ADAM12: variants seen among roughly 807,000 people sequenced by gnomAD.
ADAM12 encodes the protein disintegrin and metalloproteinase domain-containing protein 12.
ADAM12 carries 70 observed loss-of-function variants against 106.4 expected under a neutral mutation model. The ratio of observed to expected loss-of-function variants is 0.66; its 90% confidence interval spans 0.54 to 0.80. The LOEUF is 0.80. Among genes scored for constraint, ADAM12 ranks in the 30% least tolerant of loss-of-function variants. ADAM12 has a pLI of 0.00. For synonymous variants in ADAM12, 420 were observed against 433.5 expected, an observed-to-expected ratio of 0.97 and a Z score of 0.39; for missense variants, 1,010 against 1,171.9, an observed-to-expected ratio of 0.86 and a Z score of 2.02.
intron 3 of ADAM12, among the ~76,000 whole-genome samples, chr10:126,167,680 G>A (rs1050817113): frequency 4.6e-5 from 7 of 152,054 alleles, no homozygotes; most frequent in African/African-American, 7.3e-5. Flanking sequence ...CATACCACCC[G>A]CAAATAGTCT....
At chr10:126,086,697 ATATATAT>A (rs1565045833) in intron 11 of ADAM12, among the ~76,000 whole-genome samples, 5 of 95,156 alleles carry the variant, frequency 5.3e-5, no homozygotes, top group Admixed American at 1.3e-4. Flanking sequence ...ATATATATAT[ATATATAT>A]ATAAAATAAA....
intron 3 of ADAM12, among the ~76,000 whole-genome samples, chr10:126,198,152 G>A (rs1957632256): frequency 1.3e-5 from 2 of 152,196 alleles, no homozygotes; most frequent in South Asian, 2.1e-4. Flanking sequence ...TTGAGTCCAC[G>A]GCCCTCCCTG....
intron 2 of ADAM12, among the ~76,000 whole-genome samples, chr10:126,322,958 C>T (rs1341560093): frequency 1.3e-5 from 2 of 152,122 alleles, no homozygotes; most frequent in Non-Finnish European, 2.9e-5. Flanking sequence ...TCCTGTGTGG[C>T]AGACACAGCT....
intron 3 of ADAM12, among the ~76,000 whole-genome samples, chr10:126,247,219 A>G (rs1446396061): frequency 6.6e-6 from 1 of 152,232 alleles, no homozygotes; most frequent in Admixed American, 6.5e-5. Context: ...GGCCATTGCT[A>G]GAAAATTGAA....
At chr10:126,019,959 T>G in intron 21 of ADAM12, 134 bp from the exon 22 acceptor site, 1 of 1,107,874 alleles carries the variant, frequency 9.0e-7, no homozygotes, top group Admixed American at 3.0e-5. Context: ...GGGTGGAGGC[T>G]GACCTCTGTT....
chr10:126,220,646 C>T (rs1958073009), intron 3 of ADAM12, among the ~76,000 whole-genome samples: 1 of 152,244 alleles, frequency 6.6e-6, no homozygotes, highest in Non-Finnish European at 1.5e-5. Flanking sequence ...ATTTGCTAGA[C>T]ATCGCAATCC....
intron 5 of ADAM12, among the ~76,000 whole-genome samples, chr10:126,135,116 C>A (rs1956380948): frequency 6.6e-6 from 1 of 152,210 alleles, no homozygotes; most frequent in South Asian, 2.1e-4. Context: ...CCCTACCAAT[C>A]CATGCCTCTA....
chr10:126,267,463 G>A (rs989763428), intron 3 of ADAM12, among the ~76,000 whole-genome samples: 6 of 152,174 alleles, frequency 3.9e-5, no homozygotes, highest in Non-Finnish European at 8.8e-5. Flanking sequence ...TCTGCAACTA[G>A]ACGATCCCAT....
At chr10:126,084,715 C>G (rs760561899) in intron 11 of ADAM12, among the ~76,000 whole-genome samples, 5 of 152,208 alleles carry the variant, frequency 3.3e-5, no homozygotes, top group Non-Finnish European at 7.3e-5. Context: ...GAAGTTACCA[C>G]CAGGGCAATG....
chr10:126,081,587 G>A (rs1955218281), intron 11 of ADAM12, among the ~76,000 whole-genome samples: 1 of 152,170 alleles, frequency 6.6e-6, no homozygotes, highest in African/African-American at 2.4e-5. Context: ...TTCTTTACCT[G>A]GGCGTGTGGT....
chr10:126,291,969 G>T (rs527405049), intron 2 of ADAM12, among the ~76,000 whole-genome samples: 2 of 111,896 alleles, frequency 1.8e-5, no homozygotes, highest in South Asian at 3.0e-4. Context: ...AATGAAAATT[G>T]GGGTTCAGCT....
At chr10:126,110,716 A>G (rs1182350458) in intron 6 of ADAM12, among the ~76,000 whole-genome samples, 1 of 152,210 alleles carries the variant, frequency 6.6e-6, no homozygotes, top group African/African-American at 2.4e-5. Context: ...TTCCTCAAAA[A>G]GCATTCACAC....
intron 11 of ADAM12, among the ~76,000 whole-genome samples, chr10:126,074,578 T>A (rs61215576): frequency 0.016 from 2,415 of 152,342 alleles, 71 homozygotes; most frequent in African/African-American, 0.053. Context: ...GTTGTCAGAC[T>A]GTATAGTGAT....
At chr10:126,072,395 C>T (rs1291947307) in intron 11 of ADAM12, among the ~76,000 whole-genome samples, 1 of 152,180 alleles carries the variant, frequency 6.6e-6, no homozygotes. Context: ...GTATGACATT[C>T]TTGGCACTAG....
intron 3 of ADAM12, among the ~76,000 whole-genome samples, chr10:126,204,336 T>A (rs1957757247): frequency 6.6e-6 from 1 of 152,200 alleles, no homozygotes; most frequent in African/African-American, 2.4e-5. Context: ...GAGCTTTCCA[T>A]CACCTGTGAC....
At chr10:126,241,224 A>C (rs551469798) in intron 3 of ADAM12, among the ~76,000 whole-genome samples, 2 of 152,224 alleles carry the variant, frequency 1.3e-5, no homozygotes, top group African/African-American at 4.8e-5. Flanking sequence ...AGAGATGGGC[A>C]AACGGAGAAT....
chr10:126,224,233 G>A (rs1295252386), intron 3 of ADAM12, among the ~76,000 whole-genome samples: 1 of 152,182 alleles, frequency 6.6e-6, no homozygotes, highest in South Asian at 2.1e-4. Flanking sequence ...CGGGGTTAGA[G>A]CCACCCTCAT....
At chr10:126,243,636 C>A (rs900635749) in intron 3 of ADAM12, among the ~76,000 whole-genome samples, 4 of 152,150 alleles carry the variant, frequency 2.6e-5, no homozygotes, top group African/African-American at 9.7e-5. Context: ...TTATTGACTT[C>A]TTTTAGGGGG....
chr10:126,329,402 T>C (rs573307573), intron 2 of ADAM12, among the ~76,000 whole-genome samples: 1 of 152,344 alleles, frequency 6.6e-6, no homozygotes, highest in African/African-American at 2.4e-5. Flanking sequence ...GTATCTATTA[T>C]GTTGTTTTTA....
Sources: allele counts gnomAD v4.1 joint callset (sites outside exome capture counted in the v4.1 genomes callset), GRCh38; gene constraint gnomAD v4.1.1; transcripts MANE v1.5; gene names NCBI Gene and HGNC (gene_info 2026-07-23, HGNC 2026-07-21).